The following CA3 variants were observed in gnomAD, a reference collection of about 807,000 sequenced individuals.
CA3 encodes the protein carbonic anhydrase 3.
Under a neutral mutation model 35.7 loss-of-function variants are expected in CA3, and 30 were observed. That is an observed-to-expected ratio of 0.84 (90% CI 0.63 to 1.14). The LOEUF (loss-of-function observed/expected upper bound fraction) is 1.14. Ranked by LOEUF, CA3 falls within the 50% of genes most tolerant of loss-of-function variation. CA3 has a pLI of 0.00. For missense variants in CA3, 295 were observed against 328.5 expected, an observed-to-expected ratio of 0.90 and a Z score of 0.79; for synonymous variants, 131 against 130.8, an observed-to-expected ratio of 1.00 and a Z score of -0.01.
rs1423992237 is a variant in CA3 at position 85,444,056 on chromosome 8, C to T, written c.374C>T (p.Pro125Leu). ...AAELHLVHWNPKYNTFKEALK... is the reference protein window; with the variant it reads ...AAELHLVHWNLKYNTFKEALK... ...CAGCTTCATTTGGTTCACTGGAACC[C>T]GAAGTATAACACTTTTAAAGAAGCC... The change falls in exon 4 of 7, where the codon CCG becomes CTG. Residue 125 changes from proline (P) to leucine (L), a missense_variant. Coordinates refer to ENST00000285381, the MANE Select transcript of CA3 (RefSeq NM_005181.4). 8.7e-6 allele frequency: 14 copies of T among 1,612,998 alleles called. No individual in the cohort carries two copies. In the East Asian group the frequency reaches 8.9e-5, roughly 10 times the overall value.
rs1811292741 is a variant in CA3, at chr8:85,446,433, T to C, written c.663+136T>C. The C allele has an allele frequency of 2.5e-5, 25 of 1,019,444 alleles. No individual in the cohort carries two copies. The East Asian group carries it at 6.6e-4, about 27-fold the overall frequency. The allele number at this position is 1,019,444 out of a possible 1,614,324, so 63.1% of individuals were successfully genotyped here. A position where few individuals can be genotyped will look rare whatever the true frequency, so the allele number is the denominator to read the frequency against. ...TGGCCAGTAATTTCATGGTCTGCCC[T>C]GGTTAATTACAACCAGCCTGTTCAG... On this transcript the variant is annotated intron_variant, in intron 6 of 6. Transcript: ENST00000285381.
chr8:85,443,768 T>G (rs1378006871), intron 3 of CA3, among the ~76,000 whole-genome samples: 3 of 152,228 alleles, frequency 2.0e-5, no homozygotes, highest in Non-Finnish European at 4.4e-5. Flanking sequence ...TAACTGGTGC[T>G]CATGTTCTAA....
intron 3 of CA3, among the ~76,000 whole-genome samples, chr8:85,443,633 A>G (rs1054024092): frequency 6.6e-6 from 1 of 152,226 alleles, no homozygotes; most frequent in Non-Finnish European, 1.5e-5. Flanking sequence ...CAAGGCTTTC[A>G]GTTTGACCTT....
At position 85,445,219 on chromosome 8, in the gene CA3, G is replaced by A; in HGVS notation, c.507+1G>A. On this transcript the variant is annotated splice_donor_variant, in intron 5 of 6. Coordinates refer to ENST00000285381, the MANE Select transcript of CA3 (RefSeq NM_005181.4). LOFTEE classifies it high-confidence loss of function. The stretch of plus-strand genomic sequence containing the variant: ...TGCATTGGACAAGATTAAGACAAAG[G>A]TAAACAAAAATCATTTTCCCTCCTA... 6.3e-7 allele frequency: 1 copy of A among 1,585,350 alleles called. No homozygotes were observed. Among genetic ancestry groups the A allele is most frequent in the Non-Finnish European group, 8.6e-7 (1 of 1,159,286 alleles).
At chr8:85,440,866 C>T (rs1251367562) in intron 2 of CA3, among the ~76,000 whole-genome samples, 3 of 151,970 alleles carry the variant, frequency 2.0e-5, no homozygotes, top group Non-Finnish European at 4.4e-5. Flanking sequence ...CCTTTTTTCC[C>T]CTTCTCCTTA....
chr8:85,442,084 G>A lies in CA3; in HGVS notation c.244G>A (p.Gly82Ser). The A allele has an allele frequency of 6.6e-7, 1 of 1,523,822 alleles. No homozygotes were observed. Among genetic ancestry groups the A allele is most frequent in the Non-Finnish European group, 9.1e-7 (1 of 1,097,594 alleles). The allele number at this position is 1,523,822 out of a possible 1,614,324, so 94.4% of individuals were successfully genotyped here. The stretch of plus-strand genomic sequence containing the variant: ...TATCTGAATCACAGTGCTGAGAGGG[G>A]GTCCTCTCCCTGGACCCTACCGACT... ...DTYDRSMLRG[G>S]PLPGPYRLRQ... Residue 82 changes from glycine (G) to serine (S), a missense_variant, in exon 3 of 7, where the codon GGT (glycine) becomes AGT (serine). Physicochemically the swap from Gly to Ser is moderately conservative, Grantham distance 56. Transcript: ENST00000285381.
intron 4 of CA3, 53 bp downstream of exon 4, chr8:85,444,179 T>C: frequency 8.8e-7 from 1 of 1,133,916 alleles, no homozygotes; most frequent in South Asian, 1.3e-5. Context: ...TCCCTGCCAA[T>C]GGTTAGCATA....
chr8:85,447,271 A>T (rs1046231567), intron 6 of CA3, among the ~76,000 whole-genome samples: 2 of 152,142 alleles, frequency 1.3e-5, no homozygotes, highest in East Asian at 3.8e-4. Context: ...AAAATTGAAA[A>T]TGTAGCATGA....
chr8:85,445,352 A>G (rs949674517), intron 5 of CA3, 134 bp downstream of exon 5: 15 of 573,216 alleles, frequency 2.6e-5, no homozygotes, highest in African/African-American at 2.5e-4. Context: ...ATATAAAAAT[A>G]AATGCTATTA....
At chr8:85,443,737 G>A (rs1007610027) in intron 3 of CA3, among the ~76,000 whole-genome samples, 5 of 152,170 alleles carry the variant, frequency 3.3e-5, no homozygotes, top group African/African-American at 1.2e-4. Flanking sequence ...CTGTAACTCA[G>A]CATAGAAAGT....
At chr8:85,441,892 A>G (rs954459507) in intron 2 of CA3, 181 bp from the exon 3 acceptor site, 1 of 561,442 alleles carries the variant, frequency 1.8e-6, no homozygotes, top group African/African-American at 1.9e-5. Context: ...ACAATCATTT[A>G]TCTTGACATA....
In CA3 at chr8:85,446,313, A is replaced by G; in HGVS notation, c.663+16A>G. The stretch of plus-strand genomic sequence containing the variant: ...CTCTGACCAGGTGAGCAGCCTTGTG[A>G]ACACGTGGGCTTATGTTGCTGTCTG... On this transcript the variant is annotated intron_variant, in intron 6 of 6. Coordinates refer to ENST00000285381, the MANE Select transcript of CA3 (RefSeq NM_005181.4). The G allele has an allele frequency of 6.2e-7, 1 of 1,606,662 alleles. No individual in the cohort carries two copies. The highest frequency in any genetic ancestry group is 1.1e-5 in the South Asian group (1 of 90,716).
At chr8:85,446,941 GA>G (rs1811300797) in intron 6 of CA3, among the ~76,000 whole-genome samples, 2 of 152,112 alleles carry the variant, frequency 1.3e-5, no homozygotes, top group African/African-American at 2.4e-5. Context: ...CAAGAACATG[GA>G]GAAAAACAGA....
intron 6 of CA3, among the ~76,000 whole-genome samples, chr8:85,447,715 T>C (rs539247668): frequency 2.0e-5 from 3 of 152,260 alleles, no homozygotes; most frequent in African/African-American, 7.2e-5. Flanking sequence ...CTGGCCAACA[T>C]GGTGAAACCC....
rs1811239904 is a variant in CA3, at chr8:85,443,817, TGATAAAAGGA to T, written c.352-210_352-201del. Among the ~76,000 whole-genome samples the T allele has an allele frequency of 2.6e-5, 4 of 152,354 alleles. No individual in the cohort carries two copies. The South Asian group carries it at 6.2e-4, about 24-fold the overall frequency. On this transcript the variant is annotated intron_variant, in intron 3 of 6. Transcript: ENST00000285381. ...TGCCACCAGGTTTCAGAGCTCTGGT[TGATAAAAGGA>T]GATAAATAAATAATTTTATATGCTT...
chr8:85,447,192 A>G (rs1811304091), intron 6 of CA3, among the ~76,000 whole-genome samples: 1 of 147,704 alleles, frequency 6.8e-6, no homozygotes, highest in African/African-American at 2.7e-5. Flanking sequence ...AAATATTTTA[A>G]TATAGAATCA....
intron 2 of CA3, among the ~76,000 whole-genome samples, chr8:85,440,139 A>G (rs967319725): frequency 7.2e-5 from 11 of 152,200 alleles, no homozygotes; most frequent in Non-Finnish European, 1.3e-4. Context: ...TGTCCAAGCT[A>G]AAAGTTGGCA....
intron 5 of CA3, 71 bp from the exon 6 acceptor site, chr8:85,446,071 G>T (rs138365389): frequency 2.3e-6 from 3 of 1,304,812 alleles, no homozygotes; most frequent in Non-Finnish European, 3.1e-6. Context: ...CAAATAAAGT[G>T]GTGAGGGCAT....
In CA3 at chr8:85,448,577, G is replaced by A. The variant is rs1257134989; in HGVS notation, c.*424G>A. 2 of 153,628 alleles carry A rather than the reference G, an allele frequency of 1.3e-5. No individual in the cohort carries two copies. Among genetic ancestry groups the A allele is most frequent in the African/African-American group, 4.8e-5 (2 of 41,460 alleles). The allele number at this position is 153,628 out of a possible 1,614,324, so 9.5% of individuals were successfully genotyped here. A position where few individuals can be genotyped will look rare whatever the true frequency, so the allele number is the denominator to read the frequency against. Reference sequence around the variant, plus strand: ...AGAAATATGAGTAATTCTACATGTAGTAGAGGTGTATGAAGATCATATAAC... The same window carrying A: ...AGAAATATGAGTAATTCTACATGTAATAGAGGTGTATGAAGATCATATAAC... On this transcript the variant is annotated 3_prime_UTR_variant, in exon 7 of 7. Coordinates refer to ENST00000285381, the MANE Select transcript of CA3 (RefSeq NM_005181.4).
Sources: allele counts gnomAD v4.1 joint callset (sites outside exome capture counted in the v4.1 genomes callset), GRCh38; gene constraint gnomAD v4.1.1; transcripts MANE v1.5; gene names NCBI Gene and HGNC (gene_info 2026-07-23, HGNC 2026-07-21).